The following KCNH7 variants were observed in gnomAD, a reference collection of about 807,000 sequenced individuals.
The protein encoded by KCNH7 is potassium voltage-gated channel subfamily H member 7.
In KCNH7, 49 loss-of-function variants were observed where a neutral mutation model predicts 120.8. The observed-to-expected ratio is 0.41, with a 90% confidence interval of 0.32 to 0.51. The LOEUF (loss-of-function observed/expected upper bound fraction) is 0.51. Ranked by LOEUF, KCNH7 falls within the 20% of genes least tolerant of loss-of-function variation. The pLI, the probability that KCNH7 is intolerant of heterozygous loss-of-function variation, is 0.38. For synonymous variants in KCNH7, 547 were observed against 516.1 expected, an observed-to-expected ratio of 1.06 and a Z score of -0.81; for missense variants, 1,097 against 1,446.6, an observed-to-expected ratio of 0.76 and a Z score of 3.92.
At chr2:162,574,201 T>C (rs1693588066) in intron 2 of KCNH7, among the ~76,000 whole-genome samples, 1 of 152,062 alleles carries the variant, frequency 6.6e-6, no homozygotes, top group African/African-American at 2.4e-5. Context: ...GTACATACTG[T>C]GCACTGAAGA....
Position 162,573,475 on chromosome 2 carries a change from A to C in KCNH7, c.308-36395T>G, listed in dbSNP as rs149837051. Among the ~76,000 whole-genome samples, 863 of 152,214 alleles carry C rather than the reference A, an allele frequency of 5.7e-3. 9 individuals carry two copies. The highest frequency in any genetic ancestry group is 0.02 in the African/African-American group (814 of 41,562). ...ATCAGGCATAAAGATTTAAGCTGAC[A>C]TACCTTAGAAAATAGCAAGCTATGC... On this transcript the variant is annotated intron_variant, in intron 2 of 15. Transcript: ENST00000332142.
At chr2:162,770,490 T>C (rs2105470699) in intron 2 of KCNH7, among the ~76,000 whole-genome samples, 1 of 152,078 alleles carries the variant, frequency 6.6e-6, no homozygotes, top group African/African-American at 2.4e-5. Flanking sequence ...GATTGTACGC[T>C]TTGGGTCAAA....
intron 2 of KCNH7, among the ~76,000 whole-genome samples, chr2:162,554,372 A>C (rs1414236391): frequency 6.6e-6 from 1 of 151,832 alleles, no homozygotes; most frequent in African/African-American, 2.4e-5. Context: ...CTTTTTTTTT[A>C]AGTAATAAAG....
At chr2:162,450,345 G>T (rs914537923) in intron 6 of KCNH7, among the ~76,000 whole-genome samples, 1 of 152,072 alleles carries the variant, frequency 6.6e-6, no homozygotes, top group Non-Finnish European at 1.5e-5. Context: ...TAACAATGGA[G>T]TGTGTTTTGA....
At chr2:162,802,379 A>G (rs1390045701) in intron 2 of KCNH7, among the ~76,000 whole-genome samples, 1 of 151,750 alleles carries the variant, frequency 6.6e-6, no homozygotes, top group Admixed American at 6.6e-5. Flanking sequence ...TAGCTTCTGA[A>G]TTAGAATCTT....
At chr2:162,434,588 C>T (rs1476167755) in intron 8 of KCNH7, among the ~76,000 whole-genome samples, 1 of 151,904 alleles carries the variant, frequency 6.6e-6, no homozygotes, top group African/African-American at 2.4e-5. Flanking sequence ...GAATGATGCT[C>T]ATGACATTAA....
intron 2 of KCNH7, among the ~76,000 whole-genome samples, chr2:162,553,299 G>T (rs899122303): frequency 1.3e-5 from 2 of 152,148 alleles, no homozygotes; most frequent in Non-Finnish European, 1.5e-5. Context: ...TCAACCAGCC[G>T]TTATGATTCA....
intron 3 of KCNH7, chr2:162,528,017 G>A (rs376879150): frequency 1.6e-4 from 24 of 151,974 alleles, no homozygotes; most frequent in Non-Finnish European, 7.4e-5. Flanking sequence ...TAGGGCCCAA[G>A]AACTTGCACT....
chr2:162,747,717 T>C (rs902054211), intron 2 of KCNH7, among the ~76,000 whole-genome samples: 9 of 152,194 alleles, frequency 5.9e-5, no homozygotes, highest in Non-Finnish European at 1.2e-4. Flanking sequence ...CTAGCAAAAC[T>C]AACCAGGTAG....
At chr2:162,467,144 G>T (rs1689336143) in intron 6 of KCNH7, among the ~76,000 whole-genome samples, 2 of 152,190 alleles carry the variant, frequency 1.3e-5, no homozygotes, top group South Asian at 4.1e-4. Flanking sequence ...TTAGAAAGCT[G>T]TGTGAATTGC....
chr2:162,834,045 T>C (rs961374402), intron 2 of KCNH7, among the ~76,000 whole-genome samples: 3 of 152,150 alleles, frequency 2.0e-5, no homozygotes, highest in African/African-American at 7.2e-5. Context: ...TACGGAAACT[T>C]TGAGAAACAA....
intron 2 of KCNH7, among the ~76,000 whole-genome samples, chr2:162,775,287 ATT>A (rs1683193952): frequency 6.6e-6 from 1 of 152,154 alleles, no homozygotes; most frequent in South Asian, 2.1e-4. Context: ...TTTTCATTTC[ATT>A]ATCTTTGTAT....
chr2:162,648,055 A>G lies in KCNH7; in HGVS notation c.308-110975T>C, dbSNP rs776507782. 5.0e-4 allele frequency among the ~76,000 whole-genome samples: 76 copies of G among 152,220 alleles called. 1 individual carries two copies. The highest frequency in any genetic ancestry group is 6.5e-5 in the Admixed American group (1 of 15,280). On this transcript the variant is annotated intron_variant, in intron 2 of 15. Coordinates refer to ENST00000332142, the MANE Select transcript of KCNH7 (RefSeq NM_033272.4). ...AAATGCTACTAATGAATTACCTATT[A>G]TAAACTTGCAGTATTTTTCCATTAA...
At position 162,824,203 on chromosome 2, in the gene KCNH7, C is replaced by T. The variant is rs934071943; in HGVS notation, c.307+12334G>A. Among the ~76,000 whole-genome samples, 9 of 152,160 alleles carry T rather than the reference C, an allele frequency of 5.9e-5. No individual in the cohort carries two copies. In the East Asian group the frequency reaches 1.7e-3, roughly 29 times the overall value. On this transcript the variant is annotated intron_variant, in intron 2 of 15. Transcript: ENST00000332142. ...TTATTGGGGCAGCCAGTAATTAAGA[C>T]AAAATATTGTGTAACTCACACTATA...
intron 2 of KCNH7, among the ~76,000 whole-genome samples, chr2:162,602,469 T>A (rs1026922133): frequency 6.6e-5 from 10 of 151,988 alleles, no homozygotes; most frequent in African/African-American, 2.2e-4. Flanking sequence ...TAAACTTTGT[T>A]TTCTTCTCTT....
At chr2:162,506,727 T>C (rs1209017718) in intron 5 of KCNH7, among the ~76,000 whole-genome samples, 7 of 151,832 alleles carry the variant, frequency 4.6e-5, no homozygotes, top group African/African-American at 1.7e-4. Flanking sequence ...TTCTACAATG[T>C]TAATAGACAG....
intron 2 of KCNH7, among the ~76,000 whole-genome samples, chr2:162,649,647 A>AT (rs56016148): frequency 0.26 from 39,663 of 151,808 alleles, 8,442 homozygotes; most frequent in African/African-American, 0.57. Flanking sequence ...CCATTTCTGC[A>AT]TGAAAGACTT....
chr2:162,396,762 T>C lies in KCNH7; in HGVS notation c.2591A>G (p.Asn864Ser). 1 of 1,611,126 alleles carries C rather than the reference T, an allele frequency of 6.2e-7. No individual in the cohort carries two copies. Among genetic ancestry groups the C allele is most frequent in the Non-Finnish European group, 8.5e-7 (1 of 1,178,268 alleles). ...TACCTTTGCGCTCTCATGCCTTAGG[T>C]TGAAAGTCAACTCTAGGTTTGTTAG... is the stretch of plus-strand genomic sequence containing the variant. ...HFLTNLELTFNLRHESAKADL... is the reference protein window; with the variant it reads ...HFLTNLELTFSLRHESAKADL... Residue 864 changes from asparagine (N) to serine (S), a missense_variant, in exon 11 of 16, where the codon AAC becomes AGC. Around this residue, in one of 8 missense-constraint regions of KCNH7, gnomAD observed 406 missense variants for 410.5 expected, o/e 0.99. Coordinates refer to ENST00000332142, the MANE Select transcript of KCNH7 (RefSeq NM_033272.4).
intron 2 of KCNH7, among the ~76,000 whole-genome samples, chr2:162,790,160 G>A (rs1683875244): frequency 6.6e-6 from 1 of 151,352 alleles, no homozygotes; most frequent in African/African-American, 2.4e-5. Flanking sequence ...CATAACCACT[G>A]ATATCACAGG....
Sources: allele counts gnomAD v4.1 joint callset (sites outside exome capture counted in the v4.1 genomes callset), GRCh38; gene constraint gnomAD v4.1.1; regional missense constraint gnomAD v4.1.1; transcripts MANE v1.5; gene names NCBI Gene and HGNC (gene_info 2026-07-23, HGNC 2026-07-21).